Variants in ADAM23 observed in about 807,000 individuals in gnomAD.
ADAM23 encodes disintegrin and metalloproteinase domain-containing protein 23.
In ADAM23, 33 loss-of-function variants were observed where a neutral mutation model predicts 120.1. The observed-to-expected ratio is 0.27, with a 90% CI of 0.21 to 0.37. ADAM23 has a LOEUF of 0.37. Ranked by LOEUF, ADAM23 falls within the 10% of genes least tolerant of loss-of-function variation. The pLI is 1.00. For missense variants in ADAM23, 862 were observed against 1,058.2 expected, an observed-to-expected ratio of 0.81 and a Z score of 2.57; for synonymous variants, 367 against 375.2, an observed-to-expected ratio of 0.98 and a Z score of 0.25.
Position 206,543,301 on chromosome 2 carries a change from G to A in ADAM23, c.705G>A (p.Glu235=). The A allele has an allele frequency of 6.2e-7, 1 of 1,614,050 alleles. No homozygotes were observed. The highest frequency in any genetic ancestry group is 2.2e-5 in the East Asian group (1 of 44,870). Residue 235 remains glutamate, a synonymous_variant, in exon 6 of 26, where the codon GAG becomes GAA. Coordinates refer to ENST00000264377, the MANE Select transcript of ADAM23 (RefSeq NM_003812.4). The stretch of plus-strand genomic sequence containing the variant: ...TCGTGTATATGATAGAGCCACTAGA[G>A]CTGGTTCATGATGAGGTGAGTCTAT... ...DTFVYMIEPL[E]LVHDEKSTGR...
At chr2:206,612,713 C>T (rs547542773) in intron 25 of ADAM23, among the ~76,000 whole-genome samples, 1 of 152,186 alleles carries the variant, frequency 6.6e-6, no homozygotes, top group Non-Finnish European at 1.5e-5. Flanking sequence ...AAGCCCTGAC[C>T]TTGTCTGCCA....
intron 3 of ADAM23, among the ~76,000 whole-genome samples, chr2:206,513,552 A>G (rs1030829088): frequency 6.6e-6 from 1 of 152,246 alleles, no homozygotes; most frequent in African/African-American, 2.4e-5. Flanking sequence ...CTGTTTCCAT[A>G]ACATAAAAGT....
chr2:206,592,213 T>G (rs748911281), intron 21 of ADAM23, among the ~76,000 whole-genome samples: 6 of 152,204 alleles, frequency 3.9e-5, no homozygotes, highest in Non-Finnish European at 8.8e-5. Flanking sequence ...GTCTTCTCCC[T>G]GTCAGTCTCT....
At chr2:206,506,978 A>G (rs1696509096) in intron 3 of ADAM23, among the ~76,000 whole-genome samples, 1 of 152,190 alleles carries the variant, frequency 6.6e-6, no homozygotes, top group African/African-American at 2.4e-5. Context: ...TTAAAAATGG[A>G]AAAAGGTGCT....
At chr2:206,467,903 A>C (rs1366705149) in intron 2 of ADAM23, among the ~76,000 whole-genome samples, 3 of 152,298 alleles carry the variant, frequency 2.0e-5, no homozygotes, top group South Asian at 2.1e-4. Context: ...TTAATGCTAC[A>C]TGGAAGCTGC....
chr2:206,583,660 C>A, intron 18 of ADAM23, among the ~76,000 whole-genome samples: 1 of 152,016 alleles, frequency 6.6e-6, no homozygotes, highest in East Asian at 1.9e-4. Context: ...ATTGCTGAGA[C>A]TTTCCAGAGC....
intron 8 of ADAM23, 38 bp from the exon 9 acceptor site, chr2:206,550,057 C>T (rs1697480983): frequency 7.5e-7 from 1 of 1,327,316 alleles, no homozygotes; most frequent in Non-Finnish European, 1.1e-6. Flanking sequence ...GATTTTATGT[C>T]AATCACTATT....
Position 206,443,848 on chromosome 2 carries a change from C to A in ADAM23, c.-19C>A. On this transcript the variant is annotated 5_prime_UTR_variant, in exon 1 of 26. Coordinates refer to ENST00000264377, the MANE Select transcript of ADAM23 (RefSeq NM_003812.4). ...CGCTCTCGCCGGCCACACGGAGCGG[C>A]GCCCGGGAGCTATGAGCCATGAAGC... The A allele has an allele frequency of 9.0e-7, 1 of 1,107,520 alleles. No homozygotes were observed. Among genetic ancestry groups the A allele is most frequent in the Non-Finnish European group, 1.1e-6 (1 of 910,068 alleles). 68.6% of individuals were successfully genotyped at this position (1,107,520 alleles called of 1,614,324 possible).
chr2:206,526,206 A>G lies in ADAM23; in HGVS notation c.510-4679A>G, dbSNP rs1180712270. Among the ~76,000 whole-genome samples the G allele has an allele frequency of 5.3e-5, 8 of 152,220 alleles. No individual in the cohort carries two copies. The South Asian group carries it at 1.7e-3, about 32-fold the overall frequency. On this transcript the variant is annotated intron_variant, in intron 3 of 25. Coordinates refer to ENST00000264377, the MANE Select transcript of ADAM23 (RefSeq NM_003812.4). ...GACACACACAGACACACGTCTATAC[A>G]CATACATATAAAACTTTCCTGAGGT...
chr2:206,600,071 A>G (rs146689965), intron 24 of ADAM23, among the ~76,000 whole-genome samples: 21,257 of 152,202 alleles, frequency 0.14, 1,704 homozygotes, highest in Non-Finnish European at 0.19. Flanking sequence ...GCGTGGTGGC[A>G]GGCACCTGTA....
At chr2:206,473,572 A>AAAT (rs137861771) in intron 2 of ADAM23, among the ~76,000 whole-genome samples, 1,836 of 147,192 alleles carry the variant, frequency 0.012, 21 homozygotes, top group African/African-American at 0.024. Context: ...CCCATCTCTA[A>AAAT]AATAATAATA....
chr2:206,451,465 C>A (rs1695192939), intron 2 of ADAM23, among the ~76,000 whole-genome samples: 1 of 152,236 alleles, frequency 6.6e-6, no homozygotes, highest in Admixed American at 6.5e-5. Flanking sequence ...GTCTTGAACT[C>A]CTGACCTCAG....
intron 18 of ADAM23, among the ~76,000 whole-genome samples, chr2:206,582,769 C>T (rs1290937514): frequency 6.6e-6 from 1 of 152,194 alleles, no homozygotes; most frequent in Non-Finnish European, 1.5e-5. Flanking sequence ...AAAATTCTCT[C>T]AGCATTTGTT....
At chr2:206,527,382 G>A (rs1022961619) in intron 3 of ADAM23, among the ~76,000 whole-genome samples, 5 of 152,170 alleles carry the variant, frequency 3.3e-5, no homozygotes, top group African/African-American at 9.7e-5. Context: ...CTTCCTGGCT[G>A]GGTGGGGCTG....
Position 206,543,246 on chromosome 2 carries a change from G to A in ADAM23, c.657-7G>A, listed in dbSNP as rs905712752. 10 of 1,613,548 alleles carry A rather than the reference G, an allele frequency of 6.2e-6. No homozygotes were observed. In the Admixed American group the frequency reaches 6.7e-5, roughly 11 times the overall value. ...TTCCCTCCTTTGTGTGGTTTCTTTTGTGCTAGTGGCATGTTTGAAGATGAT... is the reference window on the plus strand; with the variant it reads ...TTCCCTCCTTTGTGTGGTTTCTTTTATGCTAGTGGCATGTTTGAAGATGAT... On this transcript the variant is annotated splice_polypyrimidine_tract_variant and splice_region_variant and intron_variant, in intron 5 of 25. Coordinates refer to ENST00000264377, the MANE Select transcript of ADAM23 (RefSeq NM_003812.4).
At chr2:206,598,200 G>A (rs1698566806) in intron 24 of ADAM23, among the ~76,000 whole-genome samples, 1 of 152,028 alleles carries the variant, frequency 6.6e-6, no homozygotes, top group Non-Finnish European at 1.5e-5. Context: ...TCTCTCCACA[G>A]TGTTTCTGTG....
intron 10 of ADAM23, among the ~76,000 whole-genome samples, chr2:206,558,577 G>A (rs1697693127): frequency 6.6e-6 from 1 of 152,008 alleles, no homozygotes; most frequent in South Asian, 2.1e-4. Flanking sequence ...ATTTACACCT[G>A]GTTTATTAAT....
At chr2:206,517,594 A>T (rs908995548) in intron 3 of ADAM23, among the ~76,000 whole-genome samples, 10 of 152,156 alleles carry the variant, frequency 6.6e-5, no homozygotes. Flanking sequence ...GGCTGGTATG[A>T]TCTCTAGCCT....
chr2:206,528,289 C>T (rs1696981861), intron 3 of ADAM23, among the ~76,000 whole-genome samples: 1 of 152,154 alleles, frequency 6.6e-6, no homozygotes, highest in South Asian at 2.1e-4. Flanking sequence ...AATTAACTAG[C>T]AGTGAAATAA....
Sources: allele counts gnomAD v4.1 joint callset (sites outside exome capture counted in the v4.1 genomes callset), GRCh38; gene constraint gnomAD v4.1.1; transcripts MANE v1.5; gene names NCBI Gene and HGNC (gene_info 2026-07-23, HGNC 2026-07-21).